XKR4: variants seen among roughly 807,000 people sequenced by gnomAD.
XKR4 encodes XK-related protein 4.
Under a neutral mutation model 53.9 loss-of-function variants are expected in XKR4, and 12 were observed. That is an observed-to-expected ratio of 0.22 (90% confidence interval 0.14 to 0.36). The LOEUF is 0.36. XKR4 is among the 10% of genes least tolerant of loss of function. XKR4 has a pLI of 1.00. For missense variants in XKR4, 799 were observed against 859.5 expected, an observed-to-expected ratio of 0.93 and a Z score of 0.88; for synonymous variants, 354 against 362.4, an observed-to-expected ratio of 0.98 and a Z score of 0.26.
intron 1 of XKR4, among the ~76,000 whole-genome samples, chr8:55,120,262 T>C (rs1030780862): frequency 6.6e-6 from 1 of 152,170 alleles, no homozygotes; most frequent in Non-Finnish European, 1.5e-5. Flanking sequence ...TAAATTTGAT[T>C]CTCCCTTTTC....
chr8:55,124,327 C>T (rs1816432596), intron 1 of XKR4, among the ~76,000 whole-genome samples: 1 of 152,190 alleles, frequency 6.6e-6, no homozygotes, highest in Non-Finnish European at 1.5e-5. Flanking sequence ...AACTACATTC[C>T]TTCTCCCCAG....
chr8:55,451,636 CG>C (rs1645093729), intron 2 of XKR4: 1 of 1,549,042 alleles, frequency 6.5e-7, no homozygotes, highest in Non-Finnish European at 8.8e-7. Flanking sequence ...GTAGGACACG[CG>C]CTGCAGGGCG....
intron 2 of XKR4, among the ~76,000 whole-genome samples, chr8:55,407,469 G>A (rs1429085728): frequency 2.0e-5 from 3 of 152,226 alleles, no homozygotes; most frequent in South Asian, 2.1e-4. Flanking sequence ...CGCTGTCCAC[G>A]CTGCCTCCGC....
At chr8:55,121,876 C>T (rs1816396953) in intron 1 of XKR4, among the ~76,000 whole-genome samples, 1 of 151,380 alleles carries the variant, frequency 6.6e-6, no homozygotes, top group Admixed American at 6.6e-5. Context: ...CTTTGACATA[C>T]TTTGGAGCTC....
At chr8:55,231,318 G>A (rs943873588) in intron 1 of XKR4, among the ~76,000 whole-genome samples, 2 of 152,206 alleles carry the variant, frequency 1.3e-5, no homozygotes, top group African/African-American at 4.8e-5. Flanking sequence ...AACACCCTGA[G>A]TAAAGTAGGA....
intron 2 of XKR4, among the ~76,000 whole-genome samples, chr8:55,394,812 G>A (rs905012157): frequency 2.6e-5 from 4 of 151,958 alleles, no homozygotes; most frequent in South Asian, 4.2e-4. Flanking sequence ...CACTTTTCTT[G>A]CTTGTGATTT....
In XKR4 at chr8:55,480,964, A is replaced by C. The variant is rs967104926; in HGVS notation, c.1007-42317A>C. Among the ~76,000 whole-genome samples, 10 of 152,218 alleles carry C rather than the reference A, an allele frequency of 6.6e-5. 1 individual carries two copies. In the East Asian group the frequency reaches 1.2e-3, roughly 18 times the overall value. ...GGAAGAATCCATATCATGAAAATGGACATACTGCACAAGGTAATTTATAGA... is the reference window on the plus strand; with the variant it reads ...GGAAGAATCCATATCATGAAAATGGCCATACTGCACAAGGTAATTTATAGA... On this transcript the variant is annotated intron_variant, in intron 2 of 2. Coordinates refer to ENST00000327381, the MANE Select transcript of XKR4 (RefSeq NM_052898.2).
chr8:55,335,312 T>C (rs1475172036), intron 1 of XKR4, among the ~76,000 whole-genome samples: 1 of 152,190 alleles, frequency 6.6e-6, no homozygotes, highest in Non-Finnish European at 1.5e-5. Flanking sequence ...ATAGAATTAT[T>C]TGAAGTAGAG....
chr8:55,162,837 A>G (rs1817004926), intron 1 of XKR4, among the ~76,000 whole-genome samples: 1 of 152,226 alleles, frequency 6.6e-6, no homozygotes, highest in African/African-American at 2.4e-5. Flanking sequence ...ACTGTACTAT[A>G]TATGCACATA....
chr8:55,255,869 T>C (rs1563494472), intron 1 of XKR4, among the ~76,000 whole-genome samples: 1 of 151,956 alleles, frequency 6.6e-6, no homozygotes, highest in Non-Finnish European at 1.5e-5. Context: ...TTGTAGGTGC[T>C]GAAGATGGTA....
intron 1 of XKR4, among the ~76,000 whole-genome samples, chr8:55,224,115 C>T (rs1817921942): frequency 6.6e-6 from 1 of 152,070 alleles, no homozygotes. Context: ...CTTTTTCCCT[C>T]CTCTCTCCCT....
At chr8:55,367,456 A>G (rs1394837694) in intron 2 of XKR4, among the ~76,000 whole-genome samples, 1 of 152,214 alleles carries the variant, frequency 6.6e-6, no homozygotes, top group African/African-American at 2.4e-5. Flanking sequence ...TCTTTAATAC[A>G]TGTGCACACC....
At chr8:55,354,429 G>A (rs1803769518) in intron 1 of XKR4, among the ~76,000 whole-genome samples, 1 of 152,174 alleles carries the variant, frequency 6.6e-6, no homozygotes, top group Admixed American at 6.5e-5. Context: ...GAGTAGGACA[G>A]GGACAACCGC....
At chr8:55,489,737 A>G (rs2929020) in intron 2 of XKR4, among the ~76,000 whole-genome samples, 116,666 of 151,862 alleles carry the variant, frequency 0.77, 45,563 homozygotes, top group African/African-American at 0.91. Flanking sequence ...GATATATGTC[A>G]CCCATGAATA....
At chr8:55,198,516 AAT>A (rs1192666290) in intron 1 of XKR4, among the ~76,000 whole-genome samples, 1 of 151,440 alleles carries the variant, frequency 6.6e-6, no homozygotes, top group African/African-American at 2.4e-5. Flanking sequence ...TGTATATATA[AAT>A]ATATGTTAAT....
chr8:55,485,681 G>T (rs1806180522), intron 2 of XKR4, among the ~76,000 whole-genome samples: 1 of 152,096 alleles, frequency 6.6e-6, no homozygotes, highest in South Asian at 2.1e-4. Context: ...TTACAGGCGT[G>T]AACCACCGTA....
intron 1 of XKR4, among the ~76,000 whole-genome samples, chr8:55,173,445 T>C (rs1193361091): frequency 6.6e-6 from 1 of 152,228 alleles, no homozygotes; most frequent in Middle Eastern, 3.2e-3. Flanking sequence ...TTCTTTAGCA[T>C]TCTGTTTCTG....
At chr8:55,289,181 G>A (rs1250253215) in intron 1 of XKR4, among the ~76,000 whole-genome samples, 2 of 152,128 alleles carry the variant, frequency 1.3e-5, no homozygotes, top group African/African-American at 4.8e-5. Context: ...TCCTAAGAGT[G>A]CTATGGCTAG....
At chr8:55,202,216 C>T (rs538604831) in intron 1 of XKR4, among the ~76,000 whole-genome samples, 20 of 152,130 alleles carry the variant, frequency 1.3e-4, no homozygotes, top group Non-Finnish European at 2.2e-4. Flanking sequence ...CATCATCAGT[C>T]GGGGGTATGA....
Sources: allele counts gnomAD v4.1 joint callset (sites outside exome capture counted in the v4.1 genomes callset), GRCh38; gene constraint gnomAD v4.1.1; transcripts MANE v1.5; gene names NCBI Gene and HGNC (gene_info 2026-07-23, HGNC 2026-07-21).